Variants in CDH4 observed in about 807,000 individuals in gnomAD.
CDH4 encodes cadherin-4.
In CDH4, 33 loss-of-function variants were observed where a neutral mutation model predicts 86.0. The observed-to-expected ratio is 0.38, with a 90% CI of 0.29 to 0.51. CDH4 has a LOEUF of 0.51. Ranked by LOEUF, CDH4 falls within the 20% of genes least tolerant of loss-of-function variation. The pLI is 0.86. For synonymous variants in CDH4, 555 were observed against 549.4 expected, an observed-to-expected ratio of 1.01 and a Z score of -0.14; for missense variants, 1,114 against 1,307.4, an observed-to-expected ratio of 0.85 and a Z score of 2.28.
Position 61,296,187 on chromosome 20 carries a change from TGC to T in CDH4, c.169+41252_169+41253del, listed in dbSNP as rs1371394282. On this transcript the variant is annotated intron_variant, in intron 2 of 15. Coordinates refer to ENST00000614565, the MANE Select transcript of CDH4 (RefSeq NM_001794.5). The stretch of plus-strand genomic sequence containing the variant: ...AGTTGTCGAAATAAGTATGAGTGTG[TGC>T]GTGTGTGTGTGTGAGAGAGAGACCT... 1.2e-4 allele frequency among the ~76,000 whole-genome samples: 17 copies of T among 144,100 alleles called. No individual in the cohort carries two copies. In the East Asian group the frequency reaches 4.3e-3, roughly 37 times the overall value. The allele number at this position is 144,100 out of a possible 152,430, so 94.5% of individuals were successfully genotyped here. A position where few individuals can be genotyped will look rare whatever the true frequency, so the allele number is the denominator to read the frequency against.
At chr20:61,440,221 G>A (rs983121900) in intron 2 of CDH4, among the ~76,000 whole-genome samples, 3 of 152,210 alleles carry the variant, frequency 2.0e-5, no homozygotes, top group Admixed American at 2.0e-4. Flanking sequence ...TAACCACTGA[G>A]GAGGCAGAGA....
In CDH4 at chr20:61,269,372, C is replaced by T. The variant is rs773669649; in HGVS notation, c.169+14435C>T. The stretch of plus-strand genomic sequence containing the variant: ...CCCCCCATGGAGACCTGGTATACCC[C>T]GTTGCCTGGAGAGTCCACATTTCTA... On this transcript the variant is annotated intron_variant, in intron 2 of 15. Coordinates refer to ENST00000614565, the MANE Select transcript of CDH4 (RefSeq NM_001794.5). The surrounding 1 kb of genome is among the most constrained non-coding windows in gnomAD (Gnocchi z 5.3). Among the ~76,000 whole-genome samples, 13 of 152,100 alleles carry T rather than the reference C, an allele frequency of 8.5e-5. No homozygotes were observed. Among genetic ancestry groups the T allele is most frequent in the Non-Finnish European group, 1.8e-4 (12 of 68,026 alleles).
intron 3 of CDH4, among the ~76,000 whole-genome samples, chr20:61,746,230 C>G (rs1194166221): frequency 1.3e-5 from 2 of 152,246 alleles, no homozygotes; most frequent in Admixed American, 6.5e-5. Flanking sequence ...CTTGGGCAGC[C>G]TGAGGACCCT....
chr20:61,872,032 T>G (rs1983826922), intron 6 of CDH4, among the ~76,000 whole-genome samples: 5 of 148,684 alleles, frequency 3.4e-5, no homozygotes, highest in Admixed American at 6.7e-5. Context: ...GAGGGCGAGG[T>G]GGGGGAGGGG....
intron 11 of CDH4, among the ~76,000 whole-genome samples, chr20:61,925,363 C>T (rs2055033857): frequency 6.6e-6 from 1 of 152,206 alleles, no homozygotes; most frequent in Non-Finnish European, 1.5e-5. Context: ...TCCAGTACCA[C>T]CGCTTACCAG....
chr20:61,883,948 C>T (rs1160946883), intron 7 of CDH4, among the ~76,000 whole-genome samples: 1 of 152,188 alleles, frequency 6.6e-6, no homozygotes, highest in Non-Finnish European at 1.5e-5. Context: ...CCCCCAACCC[C>T]CGTGTGGTGG....
At chr20:61,827,487 C>G (rs1466171407) in intron 4 of CDH4, among the ~76,000 whole-genome samples, 1 of 152,188 alleles carries the variant, frequency 6.6e-6, no homozygotes, top group Non-Finnish European at 1.5e-5. Flanking sequence ...AGAAAGGAGA[C>G]ACAGATGTGA....
intron 3 of CDH4, among the ~76,000 whole-genome samples, chr20:61,747,655 T>C (rs190836236): frequency 2.0e-4 from 31 of 152,316 alleles, no homozygotes; most frequent in Admixed American, 5.2e-4. Flanking sequence ...GATACATATA[T>C]CTGCAGATTT....
At chr20:61,924,228 A>G (rs917353572) in intron 10 of CDH4, 106 bp from the exon 11 acceptor site, 1 of 1,168,210 alleles carries the variant, frequency 8.6e-7, no homozygotes, top group Non-Finnish European at 1.2e-6. Context: ...AGACAGAGAC[A>G]CTGGCCCAGG....
At chr20:61,675,057 C>T (rs180715092) in intron 2 of CDH4, among the ~76,000 whole-genome samples, 2 of 152,352 alleles carry the variant, frequency 1.3e-5, no homozygotes, top group East Asian at 3.9e-4. Context: ...CTGCTCTAGA[C>T]AGAGATAGAA....
In CDH4 at chr20:61,392,789, G is replaced by A. The variant is rs891816000; in HGVS notation, c.169+137852G>A. 8.5e-5 allele frequency among the ~76,000 whole-genome samples: 13 copies of A among 152,182 alleles called. No individual in the cohort carries two copies. The highest frequency in any genetic ancestry group is 3.1e-4 in the African/African-American group (13 of 41,444). ...TATTGCACATTTATTTCCTAGCGGG[G>A]TAGAAACACTGGCCCCCCACGGTGC... is the stretch of plus-strand genomic sequence containing the variant. On this transcript the variant is annotated intron_variant, in intron 2 of 15. Transcript: ENST00000614565. The surrounding 1 kb of genome is among the most constrained non-coding windows in gnomAD (Gnocchi z 5.7).
At chr20:61,409,716 T>C (rs2085105751) in intron 2 of CDH4, among the ~76,000 whole-genome samples, 1 of 152,268 alleles carries the variant, frequency 6.6e-6, no homozygotes, top group South Asian at 2.1e-4. Flanking sequence ...CACTGCACTT[T>C]CCTGCGGCCC....
chr20:61,715,820 GGTCCCAT>G (rs1466058626), intron 2 of CDH4, among the ~76,000 whole-genome samples: 1 of 152,112 alleles, frequency 6.6e-6, no homozygotes, highest in African/African-American at 2.4e-5. Flanking sequence ...TGCCGGCCCA[GGTCCCAT>G]GCACTGGGCC....
chr20:61,662,316 C>T (rs544322221), intron 2 of CDH4, among the ~76,000 whole-genome samples: 11 of 152,222 alleles, frequency 7.2e-5, no homozygotes, highest in African/African-American at 2.7e-4. Context: ...CTGGAGCCAT[C>T]GCTGGCTTCC....
In CDH4 at chr20:61,907,845, C is replaced by T. The variant is rs554179740; in HGVS notation, c.1189-2577C>T. On this transcript the variant is annotated intron_variant, in intron 8 of 15. Coordinates refer to ENST00000614565, the MANE Select transcript of CDH4 (RefSeq NM_001794.5). The stretch of plus-strand genomic sequence containing the variant: ...TGTCCACTCTGGAGTTTAGCAAAGA[C>T]GGTTCCTCCCAATCCTCAGATGAGA... Among the ~76,000 whole-genome samples the T allele has an allele frequency of 8.5e-5, 13 of 152,288 alleles. No homozygotes were observed. In the South Asian group the frequency reaches 1.2e-3, roughly 15 times the overall value.
intron 2 of CDH4, among the ~76,000 whole-genome samples, chr20:61,427,763 TC>T (rs2085222806): frequency 6.6e-6 from 1 of 151,944 alleles, no homozygotes. Context: ...AGCAGTTGTC[TC>T]CCCACCCTTC....
At chr20:61,622,079 C>T (rs1282333351) in intron 2 of CDH4, among the ~76,000 whole-genome samples, 1 of 152,212 alleles carries the variant, frequency 6.6e-6, no homozygotes, top group Non-Finnish European at 1.5e-5. Context: ...AGGATCAATA[C>T]TCAAGGGTTG....
intron 2 of CDH4, among the ~76,000 whole-genome samples, chr20:61,291,740 CT>C (rs1007720284): frequency 6.6e-6 from 1 of 152,116 alleles, no homozygotes; most frequent in African/African-American, 2.4e-5. Context: ...TTTCCATTAT[CT>C]TTTTTTTCCA....
intron 2 of CDH4, among the ~76,000 whole-genome samples, chr20:61,351,724 CTT>C (rs11288531): frequency 4.0e-4 from 58 of 144,922 alleles, no homozygotes; most frequent in African/African-American, 6.2e-4. Context: ...TTTTATTTAT[CTT>C]TTTTTTTTTT....
Sources: gnomAD v4.1 joint callset for allele counts (sites outside exome capture counted in the v4.1 genomes callset) on GRCh38, gnomAD v4.1.1 for gene constraint, Gnocchi (gnomAD v3.1) non-coding constraint, MANE v1.5 for transcripts, NCBI Gene and HGNC (gene_info 2026-07-23, HGNC 2026-07-21) for gene names.